The following CDH12 variants were observed in gnomAD, a reference collection of about 807,000 sequenced individuals.
CDH12 encodes the protein cadherin-12.
A neutral mutation model predicts 74.1 loss-of-function variants in CDH12; 41 were observed. The observed-to-expected ratio is 0.55, with a 90% confidence interval of 0.43 to 0.72. The LOEUF is 0.72. Among genes scored for constraint, CDH12 ranks in the 30% least tolerant of loss-of-function variants. The probability of loss-of-function intolerance (pLI) is 0.00; values close to 1 mark genes in which losing one functional copy is unlikely to be tolerated. For missense variants in CDH12, 945 were observed against 977.2 expected, an observed-to-expected ratio of 0.97 and a Z score of 0.44; for synonymous variants, 399 against 355.0, an observed-to-expected ratio of 1.12 and a Z score of -1.39.
chr5:22,743,337 T>C (rs1745132090), intron 1 of CDH12, among the ~76,000 whole-genome samples: 1 of 150,434 alleles, frequency 6.6e-6, no homozygotes, highest in Non-Finnish European at 1.5e-5. Flanking sequence ...TCTTATTGGA[T>C]TCATTTCTCT....
chr5:21,950,145 GTAT>G (rs200584682), intron 6 of CDH12, among the ~76,000 whole-genome samples: 3,284 of 152,096 alleles, frequency 0.022, 103 homozygotes, highest in South Asian at 0.065. Context: ...AATGCCTACA[GTAT>G]TCAGCACAGT....
intron 1 of CDH12, among the ~76,000 whole-genome samples, chr5:22,560,235 C>T (rs541356932): frequency 7.2e-4 from 109 of 152,226 alleles, no homozygotes; most frequent in African/African-American, 2.6e-3. Flanking sequence ...TAAGCAATTT[C>T]GTAAGTTTTC....
rs1051566436 is a variant in CDH12 at position 21,784,766 on chromosome 5, A to C, written c.1257-1272T>G. 3.3e-5 allele frequency among the ~76,000 whole-genome samples: 5 copies of C among 152,170 alleles called. No individual in the cohort carries two copies. The East Asian group carries it at 9.7e-4, about 29-fold the overall frequency. On this transcript the variant is annotated intron_variant, in intron 10 of 14. Transcript: ENST00000382254. The stretch of plus-strand genomic sequence containing the variant: ...TAAAGCGATGTGTATCTCAACATAA[A>C]AAACTATTTATTTTGACAAGCTGAT...
chr5:22,264,276 CAT>C lies in CDH12; in HGVS notation c.-332-51635_-332-51634del, dbSNP rs566024769. Among the ~76,000 whole-genome samples, 226 of 152,012 alleles carry C rather than the reference CAT, an allele frequency of 1.5e-3. 1 individual carries two copies. The highest frequency in any genetic ancestry group is 2.0e-3 in the Non-Finnish European group (137 of 67,928). On this transcript the variant is annotated intron_variant, in intron 3 of 14. Transcript: ENST00000382254. ...ACTCAGATATGTGTGGGTAAACACACATACACAAACCCATGAATATGTGATTT... is the reference window on the plus strand; with the variant it reads ...ACTCAGATATGTGTGGGTAAACACACACACAAACCCATGAATATGTGATTT...
intron 7 of CDH12, among the ~76,000 whole-genome samples, chr5:21,846,021 T>C (rs1221705046): frequency 6.6e-6 from 1 of 152,162 alleles, no homozygotes; most frequent in East Asian, 1.9e-4. Flanking sequence ...ACATGGAGGC[T>C]CTGTCTTCCC....
In CDH12 at chr5:22,310,610, G is replaced by T. The variant is rs1490795582; in HGVS notation, c.-333+94647C>A. Among the ~76,000 whole-genome samples, 3 of 152,022 alleles carry T rather than the reference G, an allele frequency of 2.0e-5. No homozygotes were observed. In the South Asian group the frequency reaches 6.2e-4, roughly 31 times the overall value. On this transcript the variant is annotated intron_variant, in intron 3 of 14. Coordinates refer to ENST00000382254, the MANE Select transcript of CDH12 (RefSeq NM_004061.5). ...ATTTTCAAATTCTCTTGTATTGCAT[G>T]TAAGACCATCCAATAGCATCTACCC...
At chr5:22,283,255 C>T (rs865975513) in intron 3 of CDH12, among the ~76,000 whole-genome samples, 14 of 138,276 alleles carry the variant, frequency 1.0e-4, no homozygotes, top group African/African-American at 3.6e-4. Flanking sequence ...TATATATACA[C>T]ACACACACAC....
At chr5:22,404,005 T>C (rs565762783) in intron 3 of CDH12, among the ~76,000 whole-genome samples, 1 of 152,230 alleles carries the variant, frequency 6.6e-6, no homozygotes, top group African/African-American at 2.4e-5. Flanking sequence ...ATGTGTTAAG[T>C]TCTAGTTGGG....
chr5:21,759,898 T>C (rs1389602858), intron 13 of CDH12, among the ~76,000 whole-genome samples: 1 of 152,014 alleles, frequency 6.6e-6, no homozygotes, highest in Non-Finnish European at 1.5e-5. Context: ...CCTAAGTTCT[T>C]ATCATTGAGC....
At chr5:22,488,538 T>G (rs980792373) in intron 2 of CDH12, among the ~76,000 whole-genome samples, 2 of 152,096 alleles carry the variant, frequency 1.3e-5, no homozygotes, top group Non-Finnish European at 2.9e-5. Context: ...TTCCAAGAGA[T>G]AGCAAACAAT....
chr5:22,818,934 A>G (rs1356994150), intron 1 of CDH12, among the ~76,000 whole-genome samples: 2 of 152,134 alleles, frequency 1.3e-5, no homozygotes, highest in Admixed American at 1.3e-4. Context: ...ACTGGATGTA[A>G]ATAATATGTG....
intron 1 of CDH12, chr5:22,638,622 T>C (rs1423714958): frequency 6.6e-6 from 1 of 152,346 alleles, no homozygotes; most frequent in African/African-American, 2.4e-5. Flanking sequence ...GGAACAATAC[T>C]TTGCATCCTC....
chr5:22,072,209 G>T (rs1050885667), intron 5 of CDH12, among the ~76,000 whole-genome samples: 2 of 152,062 alleles, frequency 1.3e-5, no homozygotes, highest in Admixed American at 1.3e-4. Flanking sequence ...CATTTTATGG[G>T]TCTTTATACT....
At chr5:22,194,108 C>T (rs1226108337) in intron 4 of CDH12, among the ~76,000 whole-genome samples, 1 of 152,034 alleles carries the variant, frequency 6.6e-6, no homozygotes, top group Non-Finnish European at 1.5e-5. Context: ...GAGTCCTGTC[C>T]TCTGTGCTAG....
rs10552100 is a variant in CDH12, at chr5:22,063,988, TACACACAC to T, written c.231+14450_231+14457del. 6.9e-3 allele frequency among the ~76,000 whole-genome samples: 1,014 copies of T among 146,856 alleles called. 7 individuals carry two copies. Among genetic ancestry groups the T allele is most frequent in the Admixed American group, 0.016 (240 of 14,654 alleles). On this transcript the variant is annotated intron_variant, in intron 5 of 14. Coordinates refer to ENST00000382254, the MANE Select transcript of CDH12 (RefSeq NM_004061.5). The stretch of plus-strand genomic sequence containing the variant: ...AAACTGACTCATGCAATTATGGAGA[TACACACAC>T]ACACACACACACACACACACACACA...
chr5:22,643,731 A>ATTTTTT (rs1304148808), intron 1 of CDH12, among the ~76,000 whole-genome samples: 12 of 69,286 alleles, frequency 1.7e-4, no homozygotes, highest in Admixed American at 3.1e-4. Context: ...ATTTTAAGGT[A>ATTTTTT]TCTTTTTTTT....
chr5:21,841,260 CT>C (rs1211363894), intron 8 of CDH12, among the ~76,000 whole-genome samples: 1 of 151,456 alleles, frequency 6.6e-6, no homozygotes, highest in East Asian at 1.9e-4. Flanking sequence ...TGAAAAAATG[CT>C]CACCATCACT....
chr5:22,079,787 A>G (rs1741412246), intron 4 of CDH12, among the ~76,000 whole-genome samples: 1 of 152,134 alleles, frequency 6.6e-6, no homozygotes, highest in Non-Finnish European at 1.5e-5. Context: ...TCTATAACAC[A>G]CTGTCTTTAA....
chr5:22,715,824 GAA>G (rs1370375424), intron 1 of CDH12, among the ~76,000 whole-genome samples: 1 of 147,976 alleles, frequency 6.8e-6, no homozygotes, highest in Non-Finnish European at 1.5e-5. Flanking sequence ...AGAAAAAAAA[GAA>G]AAAAGAAAAG....
Sources: gnomAD v4.1 joint callset for allele counts (sites outside exome capture counted in the v4.1 genomes callset) on GRCh38, gnomAD v4.1.1 for gene constraint, MANE v1.5 for transcripts, NCBI Gene and HGNC (gene_info 2026-07-23, HGNC 2026-07-21) for gene names.